The following APOBEC3F variants were observed in gnomAD, a reference collection of about 807,000 sequenced individuals.
APOBEC3F encodes the protein DNA dC->dU-editing enzyme APOBEC-3F.
In APOBEC3F, 34 loss-of-function variants were observed where a neutral mutation model predicts 45.8. That is an observed-to-expected ratio of 0.74 (90% CI 0.57 to 0.99). The LOEUF (loss-of-function observed/expected upper bound fraction) is 0.99, where lower values mean the gene tolerates loss of function less well. Among genes scored for constraint, APOBEC3F ranks in the 50% least tolerant of loss-of-function variants. The pLI is 0.00. For synonymous variants in APOBEC3F, 192 were observed against 174.4 expected, an observed-to-expected ratio of 1.10 and a Z score of -0.80; for missense variants, 459 against 474.1, an observed-to-expected ratio of 0.97 and a Z score of 0.30.
chr22:39,047,749 TC>T (rs199562257), intron 4 of APOBEC3F, among the ~76,000 whole-genome samples: 5 of 150,590 alleles, frequency 3.3e-5, no homozygotes, highest in African/African-American at 4.9e-5. Context: ...GCTGAGACTC[TC>T]CCCCGAAAGT....
rs749836407 is a variant in APOBEC3F, at chr22:39,052,833, C to T, written c.*138C>T. The T allele has an allele frequency of 1.6e-4, 243 of 1,475,356 alleles. 1 individual carries two copies. Among genetic ancestry groups the T allele is most frequent in the Non-Finnish European group, 2.1e-4 (236 of 1,121,264 alleles). The allele number at this position is 1,475,356 out of a possible 1,614,324, so 91.4% of individuals were successfully genotyped here. On this transcript the variant is annotated 3_prime_UTR_variant, in exon 7 of 7. Transcript: ENST00000308521. ...CTGGCCTCAGGGCCATTCCATAGTG[C>T]TCCCCTGCCTCACCACCTCCTCTCC...
chr22:39,051,938 G>C, intron 5 of APOBEC3F, 136 bp from the exon 6 acceptor site: 2 of 1,346,122 alleles, frequency 1.5e-6, no homozygotes, highest in Non-Finnish European at 1.0e-6. Context: ...CTGGGCAACA[G>C]GAGAGACCCT....
intron 4 of APOBEC3F, among the ~76,000 whole-genome samples, chr22:39,049,060 AATC>A (rs1419936880): frequency 2.0e-4 from 30 of 152,262 alleles, no homozygotes; most frequent in African/African-American, 7.0e-4. Flanking sequence ...ACGTAAAAAG[AATC>A]ATCATCATCG....
intron 5 of APOBEC3F, 53 bp downstream of exon 5, chr22:39,049,634 G>C: frequency 6.3e-7 from 1 of 1,594,456 alleles, no homozygotes; most frequent in Non-Finnish European, 8.6e-7. Context: ...AGCTAGGAAT[G>C]CAGAAAACAC....
chr22:39,043,298 GTTT>G (rs386353176), intron 2 of APOBEC3F, among the ~76,000 whole-genome samples: 244 of 120,030 alleles, frequency 2.0e-3, no homozygotes, highest in African/African-American at 6.1e-3. Context: ...AAGGCCTTGT[GTTT>G]TTTTTTTTTT....
Position 39,043,048 on chromosome 22 carries a change from T to C in APOBEC3F, c.129T>C (p.Gly43=). The C allele has an allele frequency of 1.2e-6, 2 of 1,614,094 alleles. No individual in the cohort carries two copies. Among genetic ancestry groups the C allele is most frequent in the Non-Finnish European group, 1.7e-6 (2 of 1,180,024 alleles). The change falls in exon 2 of 7, where the codon GGT becomes GGC. Residue 43 remains glycine, a synonymous_variant. Transcript: ENST00000308521. The stretch of plus-strand genomic sequence containing the variant: ...TGTGCTACGAAGTGAAAACAAAGGG[T>C]CCCTCAAGGCCCCGTTTGGACGCAA... ...VWLCYEVKTK[G]PSRPRLDAKI...
intron 1 of APOBEC3F, 114 bp downstream of exon 1, chr22:39,041,091 C>A: frequency 6.6e-7 from 1 of 1,513,138 alleles, no homozygotes; most frequent in East Asian, 2.5e-5. Flanking sequence ...TGGGCTCCCT[C>A]CCCTCTGGCT....
chr22:39,055,509 C>T lies in APOBEC3F; in HGVS notation c.*2814C>T, dbSNP rs1308371016. On this transcript the variant is annotated 3_prime_UTR_variant, in exon 7 of 7. Transcript: ENST00000308521. ...TCAGCCTCCTGAGTAGCTGGGATTA[C>T]AGATGCCCAGAACCAATCTCTGCTA... 6.6e-6 allele frequency among the ~76,000 whole-genome samples: 1 copy of T among 152,108 alleles called. No individual in the cohort carries two copies. Among genetic ancestry groups the T allele is most frequent in the Admixed American group, 6.6e-5 (1 of 15,258 alleles).
At position 39,050,788 on chromosome 22, in the gene APOBEC3F, A is replaced by G. The variant is rs532184868; in HGVS notation, c.723+1207A>G. Among the ~76,000 whole-genome samples the G allele has an allele frequency of 1.1e-4, 16 of 152,012 alleles. No homozygotes were observed. In the East Asian group the frequency reaches 2.1e-3, roughly 20 times the overall value. Reference sequence around the variant, plus strand: ...AACTCCATGGGACAATGTGGGTCCAATGACCTTCCCAGCAGAAGGCAGACA... The same window carrying G: ...AACTCCATGGGACAATGTGGGTCCAGTGACCTTCCCAGCAGAAGGCAGACA... On this transcript the variant is annotated intron_variant, in intron 5 of 6. Coordinates refer to ENST00000308521, the MANE Select transcript of APOBEC3F (RefSeq NM_145298.6).
chr22:39,044,491 C>T (rs1927100925), intron 2 of APOBEC3F: 1 of 909,662 alleles, frequency 1.1e-6, no homozygotes, highest in Non-Finnish European at 1.5e-6. Flanking sequence ...GCTGCACAGT[C>T]ACGTGGGGGT....
intron 4 of APOBEC3F, among the ~76,000 whole-genome samples, chr22:39,049,029 TG>T (rs1927354761): frequency 1.3e-5 from 2 of 151,216 alleles, no homozygotes; most frequent in South Asian, 4.2e-4. Context: ...AGCCTGGGCC[TG>T]GGAATTCGGT....
In APOBEC3F at chr22:39,049,574, G is replaced by A. The variant is rs374582155; in HGVS notation, c.716G>A (p.Arg239Gln). 25 of 1,613,868 alleles carry A rather than the reference G, an allele frequency of 1.5e-5. 2 individuals are homozygous for A. The highest frequency in any genetic ancestry group is 6.7e-5 in the East Asian group (3 of 44,886). The part of the protein sequence containing the change: ...SPVSWKRGVF[R>Q]NQVDPETHCH... ...GTCTCCTGGAAGAGGGGCGTCTTCC[G>A]AAACCAGGTAGCACCAAAGTCCTAT... The change falls in exon 5 of 7, where the codon CGA becomes CAA. Residue 239 changes from arginine (R) to glutamine (Q), a missense_variant. Arg to Gln is a conservative substitution (Grantham distance 43). Transcript: ENST00000308521.
At chr22:39,042,306 CTCTCTT>C (rs1926948190) in intron 1 of APOBEC3F, among the ~76,000 whole-genome samples, 3 of 132,530 alleles carry the variant, frequency 2.3e-5, no homozygotes, top group Non-Finnish European at 1.6e-5. Flanking sequence ...TTTATTCTCT[CTCTCTT>C]TTTTTTTTTT....
intron 5 of APOBEC3F, 65 bp downstream of exon 5, chr22:39,049,646 A>G (rs1006020442): frequency 2.9e-4 from 463 of 1,570,758 alleles, no homozygotes; most frequent in Non-Finnish European, 3.7e-4. Context: ...AGAAAACACA[A>G]TAAGTGACGT....
chr22:39,043,298 GTT>G lies in APOBEC3F; in HGVS notation c.171+226_171+227del, dbSNP rs386353176. The stretch of plus-strand genomic sequence containing the variant: ...TTTGCCTTTGCACAAAAGGCCTTGT[GTT>G]TTTTTTTTTTTTTTTTTGAGACAGA... On this transcript the variant is annotated intron_variant, in intron 2 of 6. Transcript: ENST00000308521. 2.7e-3 allele frequency among the ~76,000 whole-genome samples: 326 copies of G among 120,028 alleles called. 1 individual carries two copies. Among genetic ancestry groups the G allele is most frequent in the African/African-American group, 7.5e-3 (231 of 30,982 alleles). 78.7% of individuals were successfully genotyped at this position (120,028 alleles called of 152,430 possible). A position where few individuals can be genotyped will look rare whatever the true frequency, so the allele number is the denominator to read the frequency against.
At chr22:39,048,784 C>T (rs1343582705) in intron 4 of APOBEC3F, among the ~76,000 whole-genome samples, 3 of 150,238 alleles carry the variant, frequency 2.0e-5, no homozygotes, top group East Asian at 2.0e-4. Context: ...TCCAGCCTGG[C>T]GACAGACTGA....
intron 3 of APOBEC3F, 93 bp from the exon 4 acceptor site, chr22:39,045,335 C>CACTGACAGCA: frequency 1.2e-6 from 2 of 1,605,166 alleles, no homozygotes; most frequent in East Asian, 2.2e-5. Context: ...GCGGGGCCAG[C>CACTGACAGCA]ACTGACAGCA....
chr22:39,048,650 A>G (rs1340689243), intron 4 of APOBEC3F, among the ~76,000 whole-genome samples: 3 of 152,098 alleles, frequency 2.0e-5, no homozygotes, highest in African/African-American at 7.3e-5. Flanking sequence ...TACTAAAAAT[A>G]CAAAAAATTA....
rs764764391 is a variant in APOBEC3F at position 39,045,514 on chromosome 22, C to T, written c.538C>T (p.Leu180=). The T allele has an allele frequency of 3.7e-6, 6 of 1,614,136 alleles. No homozygotes were observed. The highest frequency in any genetic ancestry group is 1.3e-5 in the African/African-American group (1 of 75,028). The change falls in exon 4 of 7, where the codon CTG becomes TTG. Residue 180 remains leucine, a synonymous_variant. Coordinates refer to ENST00000308521, the MANE Select transcript of APOBEC3F (RefSeq NM_145298.6). ...CAAATTCGATGACAATTATGCATTC[C>T]TGCACCGCACGCTAAAGGAGATTCT... is the stretch of plus-strand genomic sequence containing the variant. ...WYKFDDNYAF[L]HRTLKEILRN...
Sources: allele counts gnomAD v4.1 joint callset (sites outside exome capture counted in the v4.1 genomes callset), GRCh38; gene constraint gnomAD v4.1.1; transcripts MANE v1.5; gene names NCBI Gene and HGNC (gene_info 2026-07-23, HGNC 2026-07-21).